DPP10: variants seen among roughly 807,000 people sequenced by gnomAD.
DPP10 encodes the protein inactive dipeptidyl peptidase 10.
In DPP10, 33 loss-of-function variants were observed where a neutral mutation model predicts 120.9. The ratio of observed to expected loss-of-function variants is 0.27; its 90% confidence interval spans 0.21 to 0.37. The LOEUF is 0.37. Among genes scored for constraint, DPP10 ranks in the 10% least tolerant of loss-of-function variants. DPP10 has a pLI of 1.00. For synonymous variants in DPP10, 337 were observed against 326.1 expected, an observed-to-expected ratio of 1.03 and a Z score of -0.36; for missense variants, 816 against 942.8, an observed-to-expected ratio of 0.87 and a Z score of 1.76.
chr2:115,031,897 A>C (rs746099175), intron 1 of DPP10, among the ~76,000 whole-genome samples: 8 of 152,166 alleles, frequency 5.3e-5, no homozygotes, highest in Non-Finnish European at 1.0e-4. Context: ...CAGACCACTC[A>C]TCCTATATAT....
At chr2:115,311,043 C>T (rs1286584100) in intron 2 of DPP10, among the ~76,000 whole-genome samples, 7 of 152,172 alleles carry the variant, frequency 4.6e-5, no homozygotes, top group Non-Finnish European at 1.0e-4. Context: ...AACTTCTGCT[C>T]AACCCTTTTC....
At chr2:114,461,547 T>G (rs571259901) in intron 1 of DPP10, 1 of 979,516 alleles carries the variant, frequency 1.0e-6, no homozygotes, top group Non-Finnish European at 1.2e-6. Context: ...ATGATCAACC[T>G]CCTTTTCTAA....
chr2:114,912,776 G>A (rs1415465607), intron 1 of DPP10, among the ~76,000 whole-genome samples: 1 of 152,178 alleles, frequency 6.6e-6, no homozygotes, highest in Non-Finnish European at 1.5e-5. Flanking sequence ...CAGACCTCCA[G>A]AATCTTAGCT....
chr2:114,578,909 T>C (rs929856720), intron 1 of DPP10, among the ~76,000 whole-genome samples: 6 of 152,194 alleles, frequency 3.9e-5, no homozygotes, highest in Admixed American at 6.5e-5. Flanking sequence ...CAAATATTAG[T>C]GAATTCCTTT....
chr2:115,142,517 A>G (rs1207385575), intron 1 of DPP10, among the ~76,000 whole-genome samples: 1 of 152,190 alleles, frequency 6.6e-6, no homozygotes, highest in Non-Finnish European at 1.5e-5. Flanking sequence ...TAGAAATTGA[A>G]GCACAGAAGT....
intron 1 of DPP10, among the ~76,000 whole-genome samples, chr2:114,892,143 C>T (rs901157554): frequency 6.6e-6 from 1 of 152,204 alleles, no homozygotes; most frequent in Non-Finnish European, 1.5e-5. Context: ...GTCCTATAAA[C>T]TTAATTCTCT....
rs368279708 is a variant in DPP10, at chr2:114,600,283, G to A, written c.60+157445G>A. 9.2e-5 allele frequency among the ~76,000 whole-genome samples: 14 copies of A among 151,638 alleles called. No homozygotes were observed. The East Asian group carries it at 1.9e-3, about 21-fold the overall frequency. ...TTCTGTGTATTGAAGCTTACTGATT[G>A]TTTCTTCTGTAATATCCCATTTTCT... On this transcript the variant is annotated intron_variant, in intron 1 of 25. Coordinates refer to ENST00000410059, the MANE Select transcript of DPP10 (RefSeq NM_020868.6).
intron 1 of DPP10, among the ~76,000 whole-genome samples, chr2:115,190,627 C>T (rs576342423): frequency 1.6e-3 from 250 of 152,252 alleles, no homozygotes; most frequent in Middle Eastern, 3.4e-3. Flanking sequence ...AGATGGCCCT[C>T]GGGGGCTGAC....
intron 1 of DPP10, among the ~76,000 whole-genome samples, chr2:115,018,005 T>TAA (rs570028712): frequency 7.5e-6 from 1 of 133,264 alleles, no homozygotes; most frequent in African/African-American, 2.8e-5. Flanking sequence ...AGTATAATAA[T>TAA]AAAAAAAAAA....
intron 17 of DPP10, among the ~76,000 whole-genome samples, chr2:115,789,738 T>A (rs1317962360): frequency 6.6e-6 from 1 of 152,196 alleles, no homozygotes; most frequent in Non-Finnish European, 1.5e-5. Context: ...CACAATAAAC[T>A]ATTGAAAATA....
chr2:114,909,721 C>A (rs1694224246), intron 1 of DPP10, among the ~76,000 whole-genome samples: 1 of 152,000 alleles, frequency 6.6e-6, no homozygotes, highest in South Asian at 2.1e-4. Context: ...CAACTGAAGT[C>A]AATTTCTGTT....
At chr2:114,983,107 T>C (rs1384273100) in intron 1 of DPP10, among the ~76,000 whole-genome samples, 2 of 152,150 alleles carry the variant, frequency 1.3e-5, no homozygotes, top group African/African-American at 4.8e-5. Context: ...TTATATACAC[T>C]TGATTATTAA....
chr2:115,126,548 G>C (rs2050094388), intron 1 of DPP10, among the ~76,000 whole-genome samples: 1 of 152,142 alleles, frequency 6.6e-6, no homozygotes. Flanking sequence ...GTATCACCTG[G>C]ATAAGAATTT....
chr2:114,515,046 T>C (rs915230789), intron 1 of DPP10, among the ~76,000 whole-genome samples: 1 of 152,208 alleles, frequency 6.6e-6, no homozygotes, highest in Non-Finnish European at 1.5e-5. Flanking sequence ...GGTACAAGCC[T>C]CTTCAAATAA....
chr2:115,635,869 A>G (rs1575404814), intron 5 of DPP10, among the ~76,000 whole-genome samples: 1 of 152,376 alleles, frequency 6.6e-6, no homozygotes, highest in Middle Eastern at 3.4e-3. Context: ...TATTAATGAA[A>G]GAATTATCAA....
intron 1 of DPP10, among the ~76,000 whole-genome samples, chr2:114,820,741 G>A (rs207462189): frequency 5.9e-5 from 9 of 152,170 alleles, no homozygotes; most frequent in African/African-American, 1.4e-4. Flanking sequence ...AACTGCCCCC[G>A]TAATCTAATC....
At chr2:114,734,025 T>C (rs1677185698) in intron 1 of DPP10, among the ~76,000 whole-genome samples, 1 of 152,182 alleles carries the variant, frequency 6.6e-6, no homozygotes, top group Non-Finnish European at 1.5e-5. Flanking sequence ...TCTCATCAGA[T>C]AGGTTTTATT....
At chr2:115,168,981 A>G (rs533490979) in intron 1 of DPP10, among the ~76,000 whole-genome samples, 1 of 152,332 alleles carries the variant, frequency 6.6e-6, no homozygotes, top group African/African-American at 2.4e-5. Context: ...CACAAAATAA[A>G]AAAAATTTTT....
chr2:115,175,632 A>G (rs1559187268), intron 1 of DPP10, among the ~76,000 whole-genome samples: 1 of 152,208 alleles, frequency 6.6e-6, no homozygotes, highest in African/African-American at 2.4e-5. Flanking sequence ...GTTTCCTAAA[A>G]TATCTTTTAC....
Sources: gnomAD v4.1 joint callset for allele counts (sites outside exome capture counted in the v4.1 genomes callset) on GRCh38, gnomAD v4.1.1 for gene constraint, MANE v1.5 for transcripts, NCBI Gene and HGNC (gene_info 2026-07-23, HGNC 2026-07-21) for gene names.